The following FDXR variants were observed in gnomAD, a reference collection of about 807,000 sequenced individuals.
The protein encoded by FDXR is NADPH:adrenodoxin oxidoreductase, mitochondrial.
FDXR carries 38 observed loss-of-function variants against 58.3 expected under a neutral mutation model. That is an observed-to-expected ratio of 0.65 (90% CI 0.50 to 0.85). The LOEUF is 0.85. Ranked by LOEUF, FDXR falls within the 40% of genes least tolerant of loss-of-function variation. FDXR has a pLI of 0.00. For missense variants in FDXR, 624 were observed against 671.0 expected (o/e 0.93, Z 0.77); for synonymous variants, 275 against 273.8 (o/e 1.00, Z -0.04).
chr17:74,865,151 G>A (rs1247295061), intron 6 of FDXR, among the ~76,000 whole-genome samples: 2 of 152,190 alleles, frequency 1.3e-5, no homozygotes, highest in African/African-American at 2.4e-5. Flanking sequence ...GTATGTAGTG[G>A]GCCTCTACCA....
chr17:74,865,628 G>C lies in FDXR; in HGVS notation c.609+91C>G, dbSNP rs571593007. On this transcript the variant is annotated intron_variant, in intron 6 of 11. Transcript: ENST00000293195. ...GAAACAGAGGCACTGAGCCCAGCTT[G>C]GAGAGGTAAGGCCTGAACCCTGCAG... 2.1e-4 allele frequency: 176 copies of C among 833,820 alleles called. No individual in the cohort carries two copies. The African/African-American group carries it at 2.6e-3, about 12-fold the overall frequency. 51.7% of individuals were successfully genotyped at this position (833,820 alleles called of 1,614,324 possible).
At chr17:74,867,736 G>A (rs2038241037) in intron 2 of FDXR, among the ~76,000 whole-genome samples, 1 of 152,268 alleles carries the variant, frequency 6.6e-6, no homozygotes, top group Admixed American at 6.5e-5. Context: ...AAAGGCACAG[G>A]GTCGGGGGTC....
Position 74,866,499 on chromosome 17 carries a change from C to T in FDXR, c.340G>A (p.Gly114Ser). 1.2e-6 allele frequency: 2 copies of T among 1,613,772 alleles called. No homozygotes were observed. The highest frequency in any genetic ancestry group is 1.7e-6 in the Non-Finnish European group (2 of 1,179,998). The change falls in exon 4 of 12, where the codon GGC becomes AGC. Residue 114 changes from glycine (G) to serine (S), a missense_variant. By Grantham distance (56) the Gly-to-Ser change is moderately conservative. Coordinates refer to ENST00000293195, the MANE Select transcript of FDXR (RefSeq NM_024417.5). ...RCAFWGNVEV[G>S]RDVTVPELQE... is the part of the protein sequence containing the mutation. ...AGCTCCGGCACCGTCACGTCCCTGC[C>T]CACCTCCACGTTGCCCCAGAAGGCA...
At chr17:74,872,363 C>A in intron 1 of FDXR, 1 of 1,204,076 alleles carries the variant, frequency 8.3e-7, no homozygotes, top group Admixed American at 2.3e-5. Flanking sequence ...ACCTACTACA[C>A]CACTGCCAAT....
chr17:74,867,642 G>A (rs866982380), intron 2 of FDXR, among the ~76,000 whole-genome samples: 5 of 152,162 alleles, frequency 3.3e-5, no homozygotes, highest in South Asian at 2.1e-4. Flanking sequence ...AGGTGGAAAT[G>A]GGCCTGCTCC....
At chr17:74,866,676 A>G in intron 3 of FDXR, 108 bp from the exon 4 acceptor site, 1 of 1,586,040 alleles carries the variant, frequency 6.3e-7, no homozygotes, top group Non-Finnish European at 8.6e-7. Context: ...GCTGGGTGGC[A>G]TGGGCACAGA....
intron 2 of FDXR, among the ~76,000 whole-genome samples, chr17:74,869,290 G>A (rs1567916825): frequency 6.6e-6 from 1 of 152,186 alleles, no homozygotes; most frequent in African/African-American, 2.4e-5. Context: ...GTTTGATTAG[G>A]TCCAAGTTAG....
Position 74,866,784 on chromosome 17 carries a change from C to G in FDXR, c.270G>C (p.Lys90Asn). The change falls in exon 3 of 12, where the codon AAG (lysine) becomes AAC (asparagine). Residue 90 changes from lysine (K) to asparagine (N), a missense_variant and splice_region_variant. Transcript: ENST00000293195. ...AGCCTCCAGGCCCAGAGACACCCAC[C>G]TTCACCTCGGGGTGATCAGGCGCCA... is the stretch of plus-strand genomic sequence containing the variant. ...FGVAPDHPEV[K>N]NVINTFTQTA... 1 of 1,614,114 alleles carries G rather than the reference C, an allele frequency of 6.2e-7. No homozygotes were observed. The highest frequency in any genetic ancestry group is 8.5e-7 in the Non-Finnish European group (1 of 1,180,010).
chr17:74,867,306 CAAAAAA>C lies in FDXR; in HGVS notation c.178-436_178-431del, dbSNP rs56079045. Among the ~76,000 whole-genome samples, 42 of 16,518 alleles carry C rather than the reference CAAAAAA, an allele frequency of 2.5e-3. 1 individual carries two copies. Among genetic ancestry groups the C allele is most frequent in the Non-Finnish European group, 4.5e-3 (36 of 7,970 alleles). 10.8% of individuals were successfully genotyped at this position (16,518 alleles called of 152,430 possible). Reference sequence around the variant, plus strand: ...TGGGTGACAGAGCAAGACTCTGTCTCAAAAAAAAAAAAAAAAAAAAAAAAAAAGACG... The same window carrying C: ...TGGGTGACAGAGCAAGACTCTGTCTCAAAAAAAAAAAAAAAAAAAAAGACG... On this transcript the variant is annotated intron_variant, in intron 2 of 11. Transcript: ENST00000293195.
chr17:74,862,653 G>C lies in FDXR; in HGVS notation c.*164C>G. The C allele has an allele frequency of 1.0e-6, 1 of 1,001,140 alleles. No individual in the cohort carries two copies. Among genetic ancestry groups the C allele is most frequent in the Non-Finnish European group, 1.4e-6 (1 of 705,514 alleles). 62.0% of individuals were successfully genotyped at this position (1,001,140 alleles called of 1,614,324 possible). The stretch of plus-strand genomic sequence containing the variant: ...GAAAGCTAAAACCTTGCGCGCAAGG[G>C]CGACCTTCCCCAGGAGGGAGGAGAG... On this transcript the variant is annotated 3_prime_UTR_variant, in exon 12 of 12. Coordinates refer to ENST00000293195, the MANE Select transcript of FDXR (RefSeq NM_024417.5).
Position 74,872,870 on chromosome 17 carries a change from G to A in FDXR, c.75C>T (p.Thr25=). ...PRTRLPPAGS[T]PSFCHHFSTQ... ...CCAAAGGCGCCCTGCTCCTACTCGGGGTGCTCCCGGCGGGAGGCAGCCGGG... is the reference window on the plus strand; with the variant it reads ...CCAAAGGCGCCCTGCTCCTACTCGGAGTGCTCCCGGCGGGAGGCAGCCGGG... Residue 25 remains threonine (T), a synonymous_variant, in exon 1 of 12, where the codon ACC becomes ACT. Transcript: ENST00000293195. The A allele has an allele frequency of 6.5e-7, 1 of 1,547,780 alleles. No individual in the cohort carries two copies. Among genetic ancestry groups the A allele is most frequent in the Non-Finnish European group, 8.7e-7 (1 of 1,147,030 alleles).
chr17:74,865,064 G>T, intron 6 of FDXR, 133 bp from the exon 7 acceptor site: 1 of 1,214,666 alleles, frequency 8.2e-7, no homozygotes, highest in Non-Finnish European at 1.2e-6. Flanking sequence ...CCCCCTGGTG[G>T]CCAGATGGAG....
rs34038065 is a variant in FDXR, at chr17:74,864,531, G to A, written c.751C>T (p.Arg251Trp). The change falls in exon 8 of 12, where the codon CGG (arginine) becomes TGG (tryptophan). Residue 251 changes from arginine (R) to tryptophan (W), a missense_variant. Transcript: ENST00000293195. ...AAATCCACAGGATCCAAAATGGGCC[G>A]GGCTCCCGGTAACTGAATCATCTCC... ...LREMIQLPGA[R>W]PILDPVDFLG... 12,525 of 1,614,022 alleles carry A rather than the reference G, an allele frequency of 7.8e-3. 314 individuals are homozygous for A. Among genetic ancestry groups the A allele is most frequent in the East Asian group, 0.074 (3,311 of 44,850 alleles).
At position 74,872,869 on chromosome 17, in the gene FDXR, G is replaced by A; in HGVS notation, c.76C>T (p.Pro26Ser). ...RTRLPPAGST[P>S]SFCHHFSTQE... ...CCCAAAGGCGCCCTGCTCCTACTCG[G>A]GGTGCTCCCGGCGGGAGGCAGCCGG... The change falls in exon 1 of 12, where the codon CCG becomes TCG. Residue 26 changes from proline (P) to serine (S), a missense_variant. Transcript: ENST00000293195. 8 of 1,547,680 alleles carry A rather than the reference G, an allele frequency of 5.2e-6. No individual in the cohort carries two copies. The highest frequency in any genetic ancestry group is 7.0e-6 in the Non-Finnish European group (8 of 1,146,990).
rs1312462458 is a variant in FDXR, at chr17:74,872,062, A to C, written c.151T>G (p.Phe51Val). ...TTTAGCAGGTGTTGGGCCGTGTAGA[A>C]GCCAGCTGGGCCACTGCCCACCACA... ...ICVVGSGPAGFYTAQHLLKHP... is the reference protein window; with the variant it reads ...ICVVGSGPAGVYTAQHLLKHP... Residue 51 changes from phenylalanine (F) to valine (V), a missense_variant, in exon 2 of 12, where the codon TTC becomes GTC. Physicochemically the swap from Phe to Val is conservative, Grantham distance 50 (BLOSUM62 -1). Coordinates refer to ENST00000293195, the MANE Select transcript of FDXR (RefSeq NM_024417.5). The C allele has an allele frequency of 6.2e-7, 1 of 1,602,814 alleles. No homozygotes were observed. The highest frequency in any genetic ancestry group is 1.3e-5 in the African/African-American group (1 of 74,408).
intron 1 of FDXR, chr17:74,872,495 CCTCT>C (rs921971600): frequency 3.2e-6 from 2 of 616,654 alleles, no homozygotes; most frequent in East Asian, 5.6e-5. Context: ...TCCTCTAACC[CCTCT>C]CTCTCTCCAC....
chr17:74,865,959 T>C, intron 5 of FDXR, 139 bp from the exon 6 acceptor site: 1 of 859,434 alleles, frequency 1.2e-6, no homozygotes. Context: ...TGGTCCCTCC[T>C]CCCCCACCTG....
rs1224505064 is a variant in FDXR, at chr17:74,865,970, G to T, written c.508-150C>A. 3 of 852,370 alleles carry T rather than the reference G, an allele frequency of 3.5e-6. No homozygotes were observed. In the Admixed American group the frequency reaches 6.4e-5, roughly 18 times the overall value. The allele number at this position is 852,370 out of a possible 1,614,324, so 52.8% of individuals were successfully genotyped here. A position where few individuals can be genotyped will look rare whatever the true frequency, so the allele number is the denominator to read the frequency against. ...ACTCTGGTCCCTCCTCCCCCACCTGGACCCAGCTCTCCCCCGAGGCCCTCC... is the reference window on the plus strand; with the variant it reads ...ACTCTGGTCCCTCCTCCCCCACCTGTACCCAGCTCTCCCCCGAGGCCCTCC... On this transcript the variant is annotated intron_variant, in intron 5 of 11. Coordinates refer to ENST00000293195, the MANE Select transcript of FDXR (RefSeq NM_024417.5).
At chr17:74,865,848 C>A (rs1477388054) in intron 5 of FDXR, 28 bp from the exon 6 acceptor site, 5 of 1,555,126 alleles carry the variant, frequency 3.2e-6, no homozygotes, top group Non-Finnish European at 4.4e-6. Flanking sequence ...TGATAGGGTC[C>A]CCCAGCCTCG....
Sources: gnomAD v4.1 joint callset for allele counts (sites outside exome capture counted in the v4.1 genomes callset) on GRCh38, gnomAD v4.1.1 for gene constraint, MANE v1.5 for transcripts, NCBI Gene and HGNC (gene_info 2026-07-23, HGNC 2026-07-21) for gene names.